Variants in NEB observed in about 807,000 individuals in gnomAD.
NEB encodes the protein nemaline myopathy type 2.
Under a neutral mutation model 952.2 loss-of-function variants are expected in NEB, and 512 were observed. The observed-to-expected ratio is 0.54, with a 90% confidence interval of 0.50 to 0.58. The LOEUF (loss-of-function observed/expected upper bound fraction) is 0.58, where lower values mean the gene tolerates loss of function less well. NEB is among the 20% of genes least tolerant of loss of function. NEB has a pLI of 0.00. For missense variants in NEB, 8,428 were observed against 9,231.1 expected (o/e 0.91, Z 3.56); for synonymous variants, 2,900 against 3,149.8 (o/e 0.92, Z 2.66).
At chr2:151,647,671 A>C (rs2098978270) in intron 54 of NEB, among the ~76,000 whole-genome samples, 1 of 152,188 alleles carries the variant, frequency 6.6e-6, no homozygotes, top group Non-Finnish European at 1.5e-5. Context: ...ACCCACCAGA[A>C]AACCCAAATG....
chr2:151,676,477 C>CA (rs536858741), intron 34 of NEB, among the ~76,000 whole-genome samples: 39 of 152,262 alleles, frequency 2.6e-4, no homozygotes, highest in African/African-American at 9.4e-4. Flanking sequence ...AATGCGGCTC[C>CA]ATCGATTAAA....
chr2:151,636,112 C>T (rs1055152972), intron 64 of NEB, 115 bp downstream of exon 64: 1 of 902,464 alleles, frequency 1.1e-6, no homozygotes, highest in Admixed American at 2.8e-5. Context: ...AAATCCTACA[C>T]AAATATATCA....
intron 169 of NEB, among the ~76,000 whole-genome samples, chr2:151,499,073 A>G (rs1161271726): frequency 6.6e-6 from 1 of 152,000 alleles, no homozygotes; most frequent in East Asian, 1.9e-4. Flanking sequence ...TACATTTGTA[A>G]AAGCAGGAAT....
chr2:151,690,818 T>A lies in NEB; in HGVS notation c.2219A>T (p.Tyr740Phe), dbSNP rs746001580. 6.4e-7 allele frequency: 1 copy of A among 1,573,418 alleles called. No individual in the cohort carries two copies. Among genetic ancestry groups the A allele is most frequent in the South Asian group, 1.2e-5 (1 of 85,868 alleles). ...TTTGGTCTTATCTGGATGAACTTTG[T>A]AGGTATGCTAGAAAAGAAGATGTTC... ...KKLDQCKDHT[Y>F]KVHPDKTKFT... Residue 740 changes from tyrosine to phenylalanine, a missense_variant, in exon 24 of 182, where the codon TAC becomes TTC. Tyr to Phe is a conservative substitution (Grantham distance 22). This residue lies in a region of NEB where 2,851 missense variants were observed against 2,791.5 expected (regional missense o/e 1.02). Transcript: ENST00000397345.
At chr2:151,498,470 C>A (rs1575074736) in intron 169 of NEB, 118 bp from the exon 170 acceptor site, 4 of 688,014 alleles carry the variant, frequency 5.8e-6, no homozygotes, top group East Asian at 5.4e-5. Flanking sequence ...AAGAGAAATA[C>A]CAGAAGCTTT....
Position 151,713,406 on chromosome 2 carries a change from A to G in NEB, c.823-2868T>C, listed in dbSNP as rs907268117. The stretch of plus-strand genomic sequence containing the variant: ...GGCCTAACACTGCCTGCTTGACTCA[A>G]TCAAATCTCTTCTGGTGAAATCAAT... On this transcript the variant is annotated intron_variant, in intron 10 of 181. Transcript: ENST00000397345. Among the ~76,000 whole-genome samples the G allele has an allele frequency of 3.3e-5, 5 of 152,154 alleles. No individual in the cohort carries two copies. The East Asian group carries it at 7.7e-4, about 23-fold the overall frequency.
At chr2:151,609,056 T>C (rs1401931814) in intron 81 of NEB, among the ~76,000 whole-genome samples, 1 of 148,810 alleles carries the variant, frequency 6.7e-6, no homozygotes, top group Non-Finnish European at 1.5e-5. Context: ...TGAAAGTACA[T>C]CATTGTGACA....
intron 70 of NEB, 29 bp downstream of exon 70, chr2:151,626,973 T>G (rs572094934): frequency 1.9e-6 from 3 of 1,609,920 alleles, no homozygotes; most frequent in Non-Finnish European, 2.6e-6. Flanking sequence ...TATAGCCCTG[T>G]CTTATTTTCC....
chr2:151,513,510 GA>G, intron 160 of NEB, 69 bp downstream of exon 160: 1 of 1,109,076 alleles, frequency 9.0e-7, no homozygotes, highest in Non-Finnish European at 1.3e-6. Context: ...TCAGATGACA[GA>G]GGGACACTTT....
chr2:151,727,442 C>T (rs531451107), intron 5 of NEB, among the ~76,000 whole-genome samples: 36 of 152,196 alleles, frequency 2.4e-4, no homozygotes, highest in African/African-American at 7.9e-4. Flanking sequence ...CCAATAAATG[C>T]TTTATGATTG....
At chr2:151,677,251 G>A (rs529321293) in intron 34 of NEB, among the ~76,000 whole-genome samples, 28 of 152,280 alleles carry the variant, frequency 1.8e-4, no homozygotes, top group African/African-American at 6.3e-4. Flanking sequence ...CTTAAATTCT[G>A]TGTATGTATG....
chr2:151,531,189 A>T, intron 144 of NEB, 88 bp from the exon 145 acceptor site: 1 of 839,306 alleles, frequency 1.2e-6, no homozygotes, highest in African/African-American at 1.7e-5. Flanking sequence ...TCCTGAGTGA[A>T]TATAAAGGAA....
At position 151,662,239 on chromosome 2, in the gene NEB, T is replaced by G. The variant is rs1258945263; in HGVS notation, c.5866A>C (p.Ser1956Arg). 6.2e-7 allele frequency: 1 copy of G among 1,613,562 alleles called. No homozygotes were observed. The highest frequency in any genetic ancestry group is 2.2e-5 in the East Asian group (1 of 44,878). Residue 1956 changes from serine (S) to arginine (R), a missense_variant, in exon 46 of 182, where the codon AGT (serine) becomes CGT (arginine). Coordinates refer to ENST00000397345, the MANE Select transcript of NEB (RefSeq NM_001164508.2). ...GGGTGCTGGCGGTACTTCTTTTCAC[T>G]AATAATCTCCATGGCTTTCTTGTTT... Reference protein sequence around the residue: ...EKNKKAMEIISEKKYRQHPDT... With the variant: ...EKNKKAMEIIREKKYRQHPDT...
At chr2:151,640,097 T>C (rs1331278510) in intron 61 of NEB, 37 bp from the exon 62 acceptor site, 2 of 1,582,718 alleles carry the variant, frequency 1.3e-6, no homozygotes, top group East Asian at 4.5e-5. Flanking sequence ...TTTATCTCTG[T>C]ATCAGCAATG....
At chr2:151,714,213 C>G (rs564969085) in intron 10 of NEB, among the ~76,000 whole-genome samples, 1 of 152,164 alleles carries the variant, frequency 6.6e-6, no homozygotes, top group African/African-American at 2.4e-5. Flanking sequence ...AAACAATTCC[C>G]TCTGACCCCT....
At chr2:151,687,871 G>T in intron 25 of NEB, 138 bp from the exon 26 acceptor site, 1 of 830,696 alleles carries the variant, frequency 1.2e-6, no homozygotes, top group Non-Finnish European at 1.9e-6. Flanking sequence ...TGTAGTATAA[G>T]TATTGATTTA....
intron 164 of NEB, 146 bp downstream of exon 164, chr2:151,506,020 G>C: frequency 2.7e-6 from 2 of 737,508 alleles, no homozygotes; most frequent in Non-Finnish European, 4.9e-6. Context: ...GATGACTCTA[G>C]CCACTGTGTG....
intron 133 of NEB, among the ~76,000 whole-genome samples, 157 bp from the exon 134 acceptor site, chr2:151,546,600 C>T (rs1039335838): frequency 6.7e-6 from 1 of 148,560 alleles, no homozygotes; most frequent in African/African-American, 2.5e-5. Flanking sequence ...TTCTTGTTGC[C>T]CAGGCTGGAG....
intron 16 of NEB, 73 bp from the exon 17 acceptor site, chr2:151,696,808 A>G: frequency 9.9e-7 from 1 of 1,014,474 alleles, no homozygotes; most frequent in Non-Finnish European, 1.6e-6. Flanking sequence ...GGCCAAGCAA[A>G]TAGAACCTCA....
Sources: allele counts gnomAD v4.1 joint callset (sites outside exome capture counted in the v4.1 genomes callset), GRCh38; gene constraint gnomAD v4.1.1; regional missense constraint gnomAD v4.1.1; transcripts MANE v1.5; gene names NCBI Gene and HGNC (gene_info 2026-07-23, HGNC 2026-07-21).